PDXDC1: variants seen among roughly 807,000 people sequenced by gnomAD.
The protein encoded by PDXDC1 is pyridoxal-dependent decarboxylase domain-containing protein 1.
Under a neutral mutation model 100.1 loss-of-function variants are expected in PDXDC1, and 42 were observed. That is an observed-to-expected ratio of 0.42 (90% CI 0.33 to 0.54). The LOEUF (loss-of-function observed/expected upper bound fraction) is 0.54. Ranked by LOEUF, PDXDC1 falls within the 20% of genes least tolerant of loss-of-function variation. The probability of loss-of-function intolerance (pLI) is 0.10; values close to 1 mark genes in which losing one functional copy is unlikely to be tolerated. For synonymous variants in PDXDC1, 260 were observed against 371.7 expected, an observed-to-expected ratio of 0.70 and a Z score of 3.46; for missense variants, 636 against 979.2, an observed-to-expected ratio of 0.65 and a Z score of 4.68.
At chr16:15,074,990 C>T (rs1397637148) in intron 16 of PDXDC1, 4 of 938,254 alleles carry the variant, frequency 4.3e-6, no homozygotes, top group Admixed American at 2.9e-5. Context: ...CGGCTCACAT[C>T]TATAAGCCCA....
chr16:15,015,512 C>T (rs1250186530), intron 8 of PDXDC1, among the ~76,000 whole-genome samples: 1 of 152,070 alleles, frequency 6.6e-6, no homozygotes, highest in Non-Finnish European at 1.5e-5. Context: ...GTCAGGAGTT[C>T]GAGACCAGCC....
intron 16 of PDXDC1, among the ~76,000 whole-genome samples, chr16:15,088,451 G>C (rs2045994379): frequency 6.6e-6 from 1 of 152,146 alleles, no homozygotes; most frequent in African/African-American, 2.4e-5. Flanking sequence ...CCGGGTGACA[G>C]AGCAAGACCC....
chr16:15,056,080 G>A, intron 16 of PDXDC1: 1 of 326,814 alleles, frequency 3.1e-6, no homozygotes, highest in Non-Finnish European at 4.5e-6. Flanking sequence ...GCCTCGTCCT[G>A]CCCCGCCCCA....
intron 16 of PDXDC1, among the ~76,000 whole-genome samples, chr16:15,098,179 G>C (rs1305589089): frequency 6.9e-6 from 1 of 144,508 alleles, no homozygotes; most frequent in Non-Finnish European, 1.5e-5. Flanking sequence ...AAAGGAGAAA[G>C]GAACAAATTG....
intron 13 of PDXDC1, chr16:15,025,744 T>TC (rs1290742366): frequency 2.3e-4 from 35 of 152,940 alleles, no homozygotes; most frequent in Non-Finnish European, 3.1e-4. Context: ...TTAGAGATCT[T>TC]CCCCCTCCAG....
chr16:14,991,305 GTATT>G (rs1970761881), intron 1 of PDXDC1, among the ~76,000 whole-genome samples: 2 of 143,296 alleles, frequency 1.4e-5, no homozygotes, highest in African/African-American at 5.0e-5. Flanking sequence ...GTGTGTGTGT[GTATT>G]TGTTGTTGTC....
At chr16:14,998,105 A>C in intron 2 of PDXDC1, among the ~76,000 whole-genome samples, 1 of 152,286 alleles carries the variant, frequency 6.6e-6, no homozygotes, top group Non-Finnish European at 1.5e-5. Context: ...TATTCAGGTC[A>C]TATAGAGCAC....
chr16:14,998,408 A>G lies in PDXDC1; in HGVS notation c.161+3A>G, dbSNP rs372841782. On this transcript the variant is annotated splice_donor_region_variant and intron_variant, in intron 3 of 22. Coordinates refer to ENST00000396410, the MANE Select transcript of PDXDC1 (RefSeq NM_015027.4). ...ATTCCAGGCCCACTCCAGGGCAGGTAGGTGGCACTGAGGATCCATACCTTT... is the reference window on the plus strand; with the variant it reads ...ATTCCAGGCCCACTCCAGGGCAGGTGGGTGGCACTGAGGATCCATACCTTT... 30 of 1,611,334 alleles carry G rather than the reference A, an allele frequency of 1.9e-5. No homozygotes were observed. In the African/African-American group the frequency reaches 2.1e-4, roughly 11 times the overall value.
At chr16:15,059,578 G>C (rs1004728585) in intron 16 of PDXDC1, among the ~76,000 whole-genome samples, 1 of 152,154 alleles carries the variant, frequency 6.6e-6, no homozygotes, top group Non-Finnish European at 1.5e-5. Context: ...TTGGTAAGTT[G>C]ACTTGTAAAA....
chr16:15,027,991 G>A (rs1398942595), intron 14 of PDXDC1, among the ~76,000 whole-genome samples: 10 of 152,398 alleles, frequency 6.6e-5, no homozygotes, highest in East Asian at 1.9e-4. Context: ...AAGGGACCAC[G>A]CTCTTCCCTT....
At chr16:15,128,574 C>A (rs2047882821) in intron 16 of PDXDC1, among the ~76,000 whole-genome samples, 1 of 152,102 alleles carries the variant, frequency 6.6e-6, no homozygotes, top group Admixed American at 6.6e-5. Flanking sequence ...AACAGCAGGA[C>A]CTCAAGGACA....
intron 16 of PDXDC1, among the ~76,000 whole-genome samples, chr16:15,110,074 A>C (rs1193241941): frequency 6.7e-6 from 1 of 149,060 alleles, no homozygotes; most frequent in Non-Finnish European, 1.5e-5. Flanking sequence ...GAATTGCTTG[A>C]ACCCAAAAGA....
At chr16:15,084,934 C>T (rs1345691413) in intron 16 of PDXDC1, among the ~76,000 whole-genome samples, 2 of 152,116 alleles carry the variant, frequency 1.3e-5, no homozygotes, top group South Asian at 4.2e-4. Flanking sequence ...GGCATGGTGG[C>T]AAATGCCTGT....
intron 1 of PDXDC1, among the ~76,000 whole-genome samples, chr16:14,996,570 G>A (rs532511462): frequency 3.7e-4 from 56 of 152,384 alleles, no homozygotes; most frequent in African/African-American, 4.8e-4. Flanking sequence ...AAAGGAATGC[G>A]TATGTTTTAA....
chr16:15,073,022 G>C (rs773205848), intron 16 of PDXDC1: 5 of 1,613,262 alleles, frequency 3.1e-6, no homozygotes, highest in Non-Finnish European at 3.4e-6. Context: ...ACAGGAGTTT[G>C]TCAAAGATGT....
intron 5 of PDXDC1, among the ~76,000 whole-genome samples, chr16:15,005,149 G>A (rs1335723574): frequency 6.6e-6 from 1 of 152,280 alleles, no homozygotes; most frequent in East Asian, 1.9e-4. Context: ...ACAAGGTGAG[G>A]AGATCGAGAC....
At chr16:15,022,518 T>A (rs1446930791) in intron 12 of PDXDC1, among the ~76,000 whole-genome samples, 186 bp from the exon 13 acceptor site, 1 of 152,294 alleles carries the variant, frequency 6.6e-6, no homozygotes, top group Admixed American at 6.5e-5. Flanking sequence ...TACATGTAAC[T>A]TGAAGGATTG....
At chr16:15,073,687 C>G (rs184408605) in intron 16 of PDXDC1, among the ~76,000 whole-genome samples, 35 of 152,292 alleles carry the variant, frequency 2.3e-4, no homozygotes, top group African/African-American at 8.2e-4. Context: ...TAGTAAACAG[C>G]TGAATATATA....
At chr16:15,124,809 CA>C (rs2047615314) in intron 16 of PDXDC1, among the ~76,000 whole-genome samples, 1 of 151,470 alleles carries the variant, frequency 6.6e-6, no homozygotes, top group Admixed American at 6.6e-5. Context: ...ACAGGGTTAA[CA>C]AAAGTATGGA....
Sources: gnomAD v4.1 joint callset for allele counts (sites outside exome capture counted in the v4.1 genomes callset) on GRCh38, gnomAD v4.1.1 for gene constraint, MANE v1.5 for transcripts, NCBI Gene and HGNC (gene_info 2026-07-23, HGNC 2026-07-21) for gene names.